COBL: variants seen among roughly 807,000 people sequenced by gnomAD.
COBL encodes the protein cordon-bleu WH2 repeat protein.
A neutral mutation model predicts 98.8 loss-of-function variants in COBL; 51 were observed. The observed-to-expected ratio is 0.52, with a 90% CI of 0.41 to 0.65. COBL has a LOEUF of 0.65. Ranked by LOEUF, COBL falls within the 30% of genes least tolerant of loss-of-function variation. COBL has a pLI of 0.00. For missense variants in COBL, 1,617 were observed against 1,617.5 expected (o/e 1.00, Z 0.01); for synonymous variants, 634 against 651.7 (o/e 0.97, Z 0.41).
intron 2 of COBL, among the ~76,000 whole-genome samples, chr7:51,217,549 G>T (rs1793190378): frequency 6.6e-6 from 1 of 151,500 alleles, no homozygotes; most frequent in South Asian, 2.1e-4. Context: ...CACCATGTTG[G>T]CCAGGCTGGT....
At chr7:51,301,315 A>G (rs1489691225) in intron 1 of COBL, among the ~76,000 whole-genome samples, 1 of 152,154 alleles carries the variant, frequency 6.6e-6, no homozygotes, top group Non-Finnish European at 1.5e-5. Flanking sequence ...GGGAACTTCA[A>G]CTACCGCGCC....
intron 2 of COBL, among the ~76,000 whole-genome samples, chr7:51,217,799 G>C (rs970895071): frequency 6.6e-6 from 1 of 152,132 alleles, no homozygotes; most frequent in South Asian, 2.1e-4. Flanking sequence ...ACGTTACAAA[G>C]TTATATAGGA....
Position 51,246,800 on chromosome 7 carries a change from T to G in COBL, c.42-26856A>C, listed in dbSNP as rs78749688. Among the ~76,000 whole-genome samples, 464 of 152,332 alleles carry G rather than the reference T, an allele frequency of 3.0e-3. 2 individuals are homozygous for G. Among genetic ancestry groups the G allele is most frequent in the African/African-American group, 0.01 (433 of 41,576 alleles). ...CAGAGTTTGGCAAGAACAAATGGGC[T>G]TTTTTTGTGCAGATGACTCATTTAC... On this transcript the variant is annotated intron_variant, in intron 1 of 12. Transcript: ENST00000265136.
chr7:51,186,927 G>A (rs1446290851), intron 4 of COBL, among the ~76,000 whole-genome samples: 3 of 152,128 alleles, frequency 2.0e-5, no homozygotes, highest in Admixed American at 6.6e-5. Flanking sequence ...GCCAGCCCTC[G>A]AACACACGCA....
chr7:51,186,303 G>A (rs1242829862), intron 4 of COBL, among the ~76,000 whole-genome samples: 3 of 152,190 alleles, frequency 2.0e-5, no homozygotes, highest in Admixed American at 6.5e-5. Flanking sequence ...TGACCCCATC[G>A]TAAGTCCAGG....
intron 5 of COBL, among the ~76,000 whole-genome samples, chr7:51,142,383 ATTTTTTTTTTTTTTT>A (rs10608547): frequency 1.4e-5 from 1 of 71,412 alleles, no homozygotes; most frequent in African/African-American, 4.8e-5. Context: ...CTGGTATTTG[ATTTTTTTTTTTTTTT>A]TTTTTTTTTG....
At chr7:51,142,263 T>C (rs1799829552) in intron 5 of COBL, among the ~76,000 whole-genome samples, 1 of 152,132 alleles carries the variant, frequency 6.6e-6, no homozygotes, top group African/African-American at 2.4e-5. Flanking sequence ...CAGAAGCTAT[T>C]TGGTCTGGAT....
At chr7:51,258,657 T>C (rs188043231) in intron 1 of COBL, among the ~76,000 whole-genome samples, 2 of 152,320 alleles carry the variant, frequency 1.3e-5, no homozygotes, top group East Asian at 1.9e-4. Flanking sequence ...CACATGCTTC[T>C]ACTGCATTGA....
intron 1 of COBL, among the ~76,000 whole-genome samples, chr7:51,264,563 C>G (rs1302219411): frequency 6.7e-6 from 1 of 148,378 alleles, no homozygotes; most frequent in African/African-American, 2.5e-5. Flanking sequence ...CCCAGCTACT[C>G]GGGAGGCTGA....
rs764927334 is a variant in COBL at position 51,298,555 on chromosome 7, A to G, written c.41+18038T>C. On this transcript the variant is annotated intron_variant, in intron 1 of 12. Coordinates refer to ENST00000265136, the MANE Select transcript of COBL (RefSeq NM_015198.5). ...CCCAGCAACAAAGCAGATGTGAGCA[A>G]GGCAGGCCACTCCATTGCTCTTACT... 2.2e-4 allele frequency among the ~76,000 whole-genome samples: 33 copies of G among 152,250 alleles called. 2 individuals carry two copies. Among genetic ancestry groups the G allele is most frequent in the African/African-American group, 7.2e-5 (3 of 41,468 alleles).
intron 4 of COBL, chr7:51,187,876 C>G: frequency 8.1e-7 from 1 of 1,227,000 alleles, no homozygotes. Flanking sequence ...CATAGTGCAG[C>G]CTCACAGCGG....
chr7:51,303,496 C>A (rs1802180571), intron 1 of COBL, among the ~76,000 whole-genome samples: 1 of 152,176 alleles, frequency 6.6e-6, no homozygotes, highest in Non-Finnish European at 1.5e-5. Flanking sequence ...CCCAGCCCTC[C>A]CGGATGGAGG....
chr7:51,172,705 T>C (rs1035657690), intron 5 of COBL, among the ~76,000 whole-genome samples: 7 of 152,226 alleles, frequency 4.6e-5, no homozygotes, highest in Admixed American at 3.9e-4. Flanking sequence ...TGAACCAAAG[T>C]GCTCCCTGAT....
chr7:51,027,644 A>C, intron 10 of COBL, 68 bp downstream of exon 10: 1 of 1,301,556 alleles, frequency 7.7e-7, no homozygotes, highest in Non-Finnish European at 1.1e-6. Flanking sequence ...CTTTATTCTG[A>C]GACTCTGAGA....
intron 1 of COBL, among the ~76,000 whole-genome samples, chr7:51,297,391 C>CTTT (rs71021766): frequency 0.013 from 1,560 of 119,244 alleles, 81 homozygotes; most frequent in African/African-American, 0.047. Flanking sequence ...TTTTGAAAAT[C>CTTT]TTTTTTTTTT....
At chr7:51,168,711 G>A (rs1471795658) in intron 5 of COBL, among the ~76,000 whole-genome samples, 1 of 152,088 alleles carries the variant, frequency 6.6e-6, no homozygotes, top group African/African-American at 2.4e-5. Context: ...CTGTTTGGTG[G>A]TTCCTCAAAA....
At chr7:51,047,450 T>C (rs1054859750) in intron 7 of COBL, among the ~76,000 whole-genome samples, 2 of 152,240 alleles carry the variant, frequency 1.3e-5, no homozygotes, top group African/African-American at 4.8e-5. Flanking sequence ...ACAATTATTC[T>C]CAGTTCGGTA....
chr7:51,253,507 G>A (rs991179591), intron 1 of COBL, among the ~76,000 whole-genome samples: 24 of 152,294 alleles, frequency 1.6e-4, no homozygotes, highest in African/African-American at 5.8e-4. Flanking sequence ...GTGGGAAACT[G>A]TAGTTAATGT....
At chr7:51,290,974 C>G (rs1439986401) in intron 1 of COBL, among the ~76,000 whole-genome samples, 3 of 152,150 alleles carry the variant, frequency 2.0e-5, no homozygotes, top group Admixed American at 6.5e-5. Context: ...GCAAAGGCCA[C>G]GTCTTCTTTA....
Sources: allele counts gnomAD v4.1 joint callset (sites outside exome capture counted in the v4.1 genomes callset), GRCh38; gene constraint gnomAD v4.1.1; transcripts MANE v1.5; gene names NCBI Gene and HGNC (gene_info 2026-07-23, HGNC 2026-07-21).